SPAG16: variants seen among roughly 807,000 people sequenced by gnomAD.
The protein encoded by SPAG16 is sperm-associated antigen 16 protein.
SPAG16 carries 86 observed loss-of-function variants against 80.4 expected under a neutral mutation model. The ratio of observed to expected loss-of-function variants is 1.07; its 90% confidence interval spans 0.90 to 1.28. The LOEUF (loss-of-function observed/expected upper bound fraction) is 1.28. Ranked by LOEUF, SPAG16 falls within the 50% of genes most tolerant of loss-of-function variation. The pLI is 0.00. For missense variants in SPAG16, 870 were observed against 765.3 expected (o/e 1.14, Z -1.61); for synonymous variants, 294 against 265.9 (o/e 1.11, Z -1.03).
chr2:214,023,922 A>G (rs1490046765), intron 13 of SPAG16, among the ~76,000 whole-genome samples: 1 of 151,732 alleles, frequency 6.6e-6, no homozygotes, highest in African/African-American at 2.4e-5. Context: ...TATAATGACT[A>G]TGTCCATTGA....
At chr2:214,034,278 T>C (rs964833387) in intron 13 of SPAG16, among the ~76,000 whole-genome samples, 1 of 152,252 alleles carries the variant, frequency 6.6e-6, no homozygotes, top group Non-Finnish European at 1.5e-5. Flanking sequence ...CTGCTGTCTC[T>C]CTACTGTAAA....
intron 15 of SPAG16, among the ~76,000 whole-genome samples, chr2:214,257,779 G>GATTTATATT (rs1690803633): frequency 6.6e-6 from 1 of 151,970 alleles, no homozygotes; most frequent in Non-Finnish European, 1.5e-5. Context: ...TTAATATATG[G>GATTTATATT]ATTTATATTT....
chr2:214,062,347 A>G (rs903893569), intron 13 of SPAG16, among the ~76,000 whole-genome samples: 5 of 141,890 alleles, frequency 3.5e-5, no homozygotes, highest in African/African-American at 1.3e-4. Context: ...TGAACCCAGT[A>G]GGCAGAGGTT....
At chr2:213,867,924 A>C (rs1433345582) in intron 11 of SPAG16, among the ~76,000 whole-genome samples, 12 of 68,886 alleles carry the variant, frequency 1.7e-4, no homozygotes, top group African/African-American at 4.5e-4. Flanking sequence ...ACTCTGTCTC[A>C]ACAAAAAAAA....
intron 4 of SPAG16, among the ~76,000 whole-genome samples, chr2:213,313,489 A>T (rs1223997157): frequency 6.6e-6 from 1 of 151,718 alleles, no homozygotes; most frequent in Non-Finnish European, 1.5e-5. Context: ...AGGAAAGGGG[A>T]TAGGGAGATT....
At chr2:214,351,909 A>C (rs577018398) in intron 15 of SPAG16, among the ~76,000 whole-genome samples, 2 of 152,268 alleles carry the variant, frequency 1.3e-5, no homozygotes, top group East Asian at 3.9e-4. Flanking sequence ...ACAAAATACC[A>C]TACACTGTGT....
chr2:214,134,392 C>A (rs2054940693), intron 14 of SPAG16, among the ~76,000 whole-genome samples: 1 of 152,142 alleles, frequency 6.6e-6, no homozygotes, highest in African/African-American at 2.4e-5. Flanking sequence ...ATTTCAACAC[C>A]CTGTCTGCCA....
In SPAG16 at chr2:213,982,152, A is replaced by G. The variant is rs528267384; in HGVS notation, c.1401-31799A>G. ...TTAGTACTACATTCAATTTGTATTCAATTTGCGACAATTTAAAAGTTATTA... is the reference window on the plus strand; with the variant it reads ...TTAGTACTACATTCAATTTGTATTCGATTTGCGACAATTTAAAAGTTATTA... On this transcript the variant is annotated intron_variant, in intron 12 of 15. Coordinates refer to ENST00000331683, the MANE Select transcript of SPAG16 (RefSeq NM_024532.5). 1.2e-4 allele frequency among the ~76,000 whole-genome samples: 18 copies of G among 152,122 alleles called. No individual in the cohort carries two copies. In the East Asian group the frequency reaches 3.1e-3, roughly 26 times the overall value.
At chr2:214,146,188 G>A (rs544299135) in intron 14 of SPAG16, among the ~76,000 whole-genome samples, 9 of 152,242 alleles carry the variant, frequency 5.9e-5, no homozygotes, top group African/African-American at 2.2e-4. Context: ...TAGGTAAAAT[G>A]ACTTTTCCCT....
intron 15 of SPAG16, among the ~76,000 whole-genome samples, chr2:214,191,727 G>GAAAAAAAAAAAAA (rs367694225): frequency 1.7e-5 from 2 of 115,842 alleles, no homozygotes; most frequent in Non-Finnish European, 1.8e-5. Flanking sequence ...AAAAAAAAAA[G>GAAAAAAAAAAAAA]AAAAAAAAAA....
chr2:213,799,551 C>A (rs944295639), intron 10 of SPAG16, among the ~76,000 whole-genome samples: 30 of 152,094 alleles, frequency 2.0e-4, no homozygotes, highest in Non-Finnish European at 2.9e-4. Context: ...ATAATTCTGA[C>A]ATTCTGATGT....
chr2:214,059,328 T>A (rs1302627818), intron 13 of SPAG16, among the ~76,000 whole-genome samples: 5 of 149,458 alleles, frequency 3.3e-5, no homozygotes, highest in Non-Finnish European at 5.9e-5. Context: ...ATGGTTGTCT[T>A]TTTTTTCAGT....
At chr2:214,220,013 C>T (rs2058527113) in intron 15 of SPAG16, among the ~76,000 whole-genome samples, 1 of 151,948 alleles carries the variant, frequency 6.6e-6, no homozygotes, top group African/African-American at 2.4e-5. Flanking sequence ...TATTGATACT[C>T]CTTCATATCT....
intron 10 of SPAG16, among the ~76,000 whole-genome samples, chr2:213,845,307 C>T (rs977335846): frequency 6.6e-6 from 1 of 151,578 alleles, no homozygotes; most frequent in African/African-American, 2.4e-5. Flanking sequence ...AAATGATTCT[C>T]CTGCCTCAGC....
At chr2:214,004,865 CAA>C (rs766165711) in intron 12 of SPAG16, among the ~76,000 whole-genome samples, 19 of 152,074 alleles carry the variant, frequency 1.2e-4, no homozygotes, top group Admixed American at 1.2e-3. Context: ...AGCATTTGAG[CAA>C]AGAGAGAATA....
chr2:214,112,120 T>C (rs1333727793), intron 14 of SPAG16, among the ~76,000 whole-genome samples: 1 of 152,164 alleles, frequency 6.6e-6, no homozygotes, highest in Non-Finnish European at 1.5e-5. Flanking sequence ...GTTGTGTGGT[T>C]TTGAGTGAGT....
At chr2:214,033,966 T>G (rs779028873) in intron 13 of SPAG16, among the ~76,000 whole-genome samples, 1 of 152,242 alleles carries the variant, frequency 6.6e-6, no homozygotes, top group Non-Finnish European at 1.5e-5. Context: ...TCCATAATCA[T>G]GTATTGCATT....
At chr2:213,543,934 G>A (rs2076533827) in intron 10 of SPAG16, among the ~76,000 whole-genome samples, 1 of 152,048 alleles carries the variant, frequency 6.6e-6, no homozygotes, top group African/African-American at 2.4e-5. Context: ...GATGCATATG[G>A]TAAAATTTTG....
At chr2:213,990,999 T>A (rs903918814) in intron 12 of SPAG16, among the ~76,000 whole-genome samples, 2 of 152,128 alleles carry the variant, frequency 1.3e-5, no homozygotes, top group African/African-American at 4.8e-5. Flanking sequence ...TCCACTTATT[T>A]TTTTTTCTTT....
Sources: allele counts gnomAD v4.1 joint callset (sites outside exome capture counted in the v4.1 genomes callset), GRCh38; gene constraint gnomAD v4.1.1; transcripts MANE v1.5; gene names NCBI Gene and HGNC (gene_info 2026-07-23, HGNC 2026-07-21).